STK32B: variants seen among roughly 807,000 people sequenced by gnomAD.
STK32B encodes serine/threonine-protein kinase 32B.
A neutral mutation model predicts 52.6 loss-of-function variants in STK32B; 43 were observed. The ratio of observed to expected loss-of-function variants is 0.82; its 90% CI spans 0.64 to 1.05. The LOEUF is 1.05. Ranked by LOEUF, STK32B falls within the 50% of genes least tolerant of loss-of-function variation. The probability of loss-of-function intolerance (pLI) is 0.00; values close to 1 mark genes in which losing one functional copy is unlikely to be tolerated. For synonymous variants in STK32B, 238 were observed against 204.3 expected, an observed-to-expected ratio of 1.17 and a Z score of -1.41; for missense variants, 621 against 534.6, an observed-to-expected ratio of 1.16 and a Z score of -1.59.
At chr4:5,327,658 T>C (rs190014258) in intron 3 of STK32B, among the ~76,000 whole-genome samples, 1 of 152,234 alleles carries the variant, frequency 6.6e-6, no homozygotes, top group Non-Finnish European at 1.5e-5. Context: ...TTTATTCCAC[T>C]TATAGAACAC....
chr4:5,374,799 T>C (rs1190799170), intron 4 of STK32B, among the ~76,000 whole-genome samples: 1 of 151,546 alleles, frequency 6.6e-6, no homozygotes, highest in African/African-American at 2.4e-5. Context: ...ACACCAACGT[T>C]CAAACCACAG....
In STK32B at chr4:5,365,362, C is replaced by T. The variant is rs565887771; in HGVS notation, c.435-32845C>T. On this transcript the variant is annotated intron_variant, in intron 4 of 11. Transcript: ENST00000282908. The stretch of plus-strand genomic sequence containing the variant: ...TGTTTGGTGCATTTTGCACTCTTCA[C>T]TGTGTCACACAGTGCCTGGCACACA... Among the ~76,000 whole-genome samples the T allele has an allele frequency of 4.4e-4, 67 of 152,294 alleles. No homozygotes were observed. The South Asian group carries it at 6.4e-3, about 15-fold the overall frequency.
At chr4:5,143,004 G>A (rs1444120256) in intron 2 of STK32B, among the ~76,000 whole-genome samples, 1 of 152,128 alleles carries the variant, frequency 6.6e-6, no homozygotes, top group Non-Finnish European at 1.5e-5. Flanking sequence ...TGGATTTCCA[G>A]CCTGCCAGCA....
At chr4:5,379,623 G>A (rs1358837426) in intron 4 of STK32B, among the ~76,000 whole-genome samples, 2 of 152,158 alleles carry the variant, frequency 1.3e-5, no homozygotes, top group African/African-American at 4.8e-5. Context: ...GAGGTCATTA[G>A]GATGGGCCCT....
rs1048060180 is a variant in STK32B at position 5,354,159 on chromosome 4, A to C, written c.434+22766A>C. Among the ~76,000 whole-genome samples the C allele has an allele frequency of 5.3e-5, 8 of 152,238 alleles. No individual in the cohort carries two copies. The South Asian group carries it at 1.0e-3, about 20-fold the overall frequency. ...ACAAGGACAAATTGTGAGTGTTCTTACTCATGTGCAAGAGCTGAAAATATT... is the reference window on the plus strand; with the variant it reads ...ACAAGGACAAATTGTGAGTGTTCTTCCTCATGTGCAAGAGCTGAAAATATT... On this transcript the variant is annotated intron_variant, in intron 4 of 11. Coordinates refer to ENST00000282908, the MANE Select transcript of STK32B (RefSeq NM_018401.3).
chr4:5,431,067 T>C lies in STK32B; in HGVS notation c.562+14133T>C, dbSNP rs113055269. Among the ~76,000 whole-genome samples, 201 of 152,292 alleles carry C rather than the reference T, an allele frequency of 1.3e-3. 1 individual carries two copies. The highest frequency in any genetic ancestry group is 4.4e-3 in the African/African-American group (184 of 41,550). On this transcript the variant is annotated intron_variant, in intron 6 of 11. Coordinates refer to ENST00000282908, the MANE Select transcript of STK32B (RefSeq NM_018401.3). ...GGGATCTTAGGGGTGATCCTATCTTTCTCCCAGCAATAGGAAACCACTAAT... is the reference window on the plus strand; with the variant it reads ...GGGATCTTAGGGGTGATCCTATCTTCCTCCCAGCAATAGGAAACCACTAAT...
At chr4:5,289,286 A>G (rs1406378404) in intron 3 of STK32B, among the ~76,000 whole-genome samples, 1 of 152,162 alleles carries the variant, frequency 6.6e-6, no homozygotes. Flanking sequence ...ACACCTGTAT[A>G]AGTTACTTAC....
chr4:5,339,624 A>G (rs1179030933), intron 4 of STK32B, among the ~76,000 whole-genome samples: 1 of 152,190 alleles, frequency 6.6e-6, no homozygotes, highest in Non-Finnish European at 1.5e-5. Flanking sequence ...TGCTTCTTTC[A>G]AAGTAGCCAC....
At chr4:5,046,803 A>G (rs1741627248), upstream of STK32B, among the ~76,000 whole-genome samples, 1 of 152,230 alleles carries the variant, frequency 6.6e-6, no homozygotes. Context: ...ATCTCACACC[A>G]GTCAGAAGGG....
chr4:5,320,030 T>G (rs1017874805), intron 3 of STK32B, among the ~76,000 whole-genome samples: 1 of 152,184 alleles, frequency 6.6e-6, no homozygotes, highest in African/African-American at 2.4e-5. Flanking sequence ...CCTTTGCATT[T>G]ACAGGAAAGC....
rs76654286 is a variant in STK32B at position 5,347,134 on chromosome 4, C to G, written c.434+15741C>G. Among the ~76,000 whole-genome samples the G allele has an allele frequency of 2.5e-3, 376 of 152,248 alleles. 11 individuals are homozygous for G. In the East Asian group the frequency reaches 0.056, roughly 23 times the overall value. On this transcript the variant is annotated intron_variant, in intron 4 of 11. Transcript: ENST00000282908. Reference sequence around the variant, plus strand: ...ATTTGGGTGGGGACACAGAGCCAAACCATATCAGTCACCATAAAAAGTGTT... The same window carrying G: ...ATTTGGGTGGGGACACAGAGCCAAAGCATATCAGTCACCATAAAAAGTGTT...
intron 11 of STK32B, among the ~76,000 whole-genome samples, chr4:5,484,548 C>T (rs1718988838): frequency 6.6e-6 from 1 of 152,084 alleles, no homozygotes; most frequent in East Asian, 1.9e-4. Context: ...ATCCAGTTTG[C>T]CAGTCTGTCT....
At chr4:5,131,198 C>T (rs561955569) in intron 1 of STK32B, among the ~76,000 whole-genome samples, 11 of 152,214 alleles carry the variant, frequency 7.2e-5, no homozygotes, top group Non-Finnish European at 1.0e-4. Context: ...CTGCTTCCCA[C>T]GTGTGCACAG....
chr4:5,446,587 C>A, intron 6 of STK32B, 86 bp from the exon 7 acceptor site: 17 of 1,056,610 alleles, frequency 1.6e-5, no homozygotes, highest in East Asian at 2.6e-5. Context: ...AAAACAAGCT[C>A]AATTTCTCTC....
chr4:5,244,474 T>C (rs996127518), intron 3 of STK32B, among the ~76,000 whole-genome samples: 13 of 152,192 alleles, frequency 8.5e-5, no homozygotes, highest in African/African-American at 3.1e-4. Context: ...TCTTTTCTTC[T>C]TTATTAGTCT....
intron 2 of STK32B, among the ~76,000 whole-genome samples, chr4:5,146,778 A>G (rs950055690): frequency 6.6e-6 from 1 of 152,174 alleles, no homozygotes; most frequent in Non-Finnish European, 1.5e-5. Context: ...CATTTGACCT[A>G]TTTGTTGATC....
rs375356626 is a variant in STK32B at position 5,467,960 on chromosome 4, C to T, written c.1042-46C>T. ...GTGATGCTCCATTACCGCGCGTCCC[C>T]GGACCGTGCTTTGTCATTTAGTCAC... On this transcript the variant is annotated intron_variant, in intron 10 of 11. Coordinates refer to ENST00000282908, the MANE Select transcript of STK32B (RefSeq NM_018401.3). The surrounding 1 kb of genome is among the most constrained non-coding windows in gnomAD (Gnocchi z 5.8). 1.9e-5 allele frequency: 30 copies of T among 1,609,294 alleles called. No homozygotes were observed. Among genetic ancestry groups the T allele is most frequent in the Admixed American group, 3.3e-5 (2 of 59,954 alleles).
At chr4:5,363,125 A>G (rs991615654) in intron 4 of STK32B, among the ~76,000 whole-genome samples, 5 of 152,318 alleles carry the variant, frequency 3.3e-5, no homozygotes, top group East Asian at 1.9e-4. Flanking sequence ...CTCATCATCA[A>G]TATATCCCCA....
intron 3 of STK32B, 41 bp from the exon 4 acceptor site, chr4:5,331,179 T>C (rs1732219267): frequency 6.4e-7 from 1 of 1,561,408 alleles, no homozygotes; most frequent in Admixed American, 1.8e-5. Context: ...GTGCTGAAGG[T>C]GCCTCCACCC....
Sources: gnomAD v4.1 joint callset for allele counts (sites outside exome capture counted in the v4.1 genomes callset) on GRCh38, gnomAD v4.1.1 for gene constraint, Gnocchi (gnomAD v3.1) non-coding constraint, MANE v1.5 for transcripts, NCBI Gene and HGNC (gene_info 2026-07-23, HGNC 2026-07-21) for gene names.